The following CNTN5 variants were observed in gnomAD, a reference collection of about 807,000 sequenced individuals.
The protein encoded by CNTN5 is contactin 5.
Under a neutral mutation model 129.1 loss-of-function variants are expected in CNTN5, and 77 were observed. That is an observed-to-expected ratio of 0.60 (90% CI 0.50 to 0.72). The LOEUF is 0.72. Ranked by LOEUF, CNTN5 falls within the 30% of genes least tolerant of loss-of-function variation. The pLI, the probability that CNTN5 is intolerant of heterozygous loss-of-function variation, is 0.00. For missense variants in CNTN5, 1,478 were observed against 1,328.8 expected (o/e 1.11, Z -1.75); for synonymous variants, 509 against 465.6 (o/e 1.09, Z -1.20).
intron 4 of CNTN5, among the ~76,000 whole-genome samples, chr11:99,834,877 T>C (rs2135634096): frequency 6.6e-6 from 1 of 152,344 alleles, no homozygotes; most frequent in Admixed American, 6.5e-5. Context: ...CTACTCTAGA[T>C]GACTGCCTCC....
chr11:99,816,312 A>G (rs4497376), intron 3 of CNTN5, among the ~76,000 whole-genome samples: 5,378 of 152,198 alleles, frequency 0.035, 140 homozygotes, highest in South Asian at 0.1. Flanking sequence ...AAGCTTGTCT[A>G]TTCTCAGTTT....
intron 8 of CNTN5, among the ~76,000 whole-genome samples, chr11:99,957,606 A>G (rs1002043631): frequency 2.0e-5 from 3 of 152,218 alleles, no homozygotes; most frequent in African/African-American, 7.2e-5. Context: ...TAAGCATTGC[A>G]TTAAAGAATT....
intron 9 of CNTN5, 69 bp from the exon 10 acceptor site, chr11:100,061,143 A>C: frequency 7.8e-7 from 1 of 1,284,778 alleles, no homozygotes; most frequent in Non-Finnish European, 1.1e-6. Flanking sequence ...TGCTTAAATT[A>C]CCAGATAACA....
intron 23 of CNTN5, among the ~76,000 whole-genome samples, chr11:100,348,689 C>T (rs558450412): frequency 1.1e-4 from 16 of 151,934 alleles, no homozygotes; most frequent in Non-Finnish European, 1.8e-4. Flanking sequence ...TAATTCATCA[C>T]GATGCTCCAG....
chr11:100,307,722 G>A (rs905694530), intron 20 of CNTN5, among the ~76,000 whole-genome samples: 1 of 151,404 alleles, frequency 6.6e-6, no homozygotes, highest in Non-Finnish European at 1.5e-5. Context: ...ACAACAAAAA[G>A]TATCTAATGA....
chr11:100,259,209 A>G (rs956448532), intron 17 of CNTN5, among the ~76,000 whole-genome samples: 1 of 152,234 alleles, frequency 6.6e-6, no homozygotes, highest in Non-Finnish European at 1.5e-5. Context: ...AGGGTATTAC[A>G]TAATGGTAAA....
chr11:99,529,978 T>C (rs1947633492), intron 2 of CNTN5, among the ~76,000 whole-genome samples: 1 of 152,190 alleles, frequency 6.6e-6, no homozygotes, highest in East Asian at 1.9e-4. Flanking sequence ...CTTAAAAATA[T>C]TTTAAAGTGA....
rs780348879 is a variant in CNTN5 at position 99,821,325 on chromosome 11, A to T, written c.277+1560A>T. Among the ~76,000 whole-genome samples, 12 of 152,196 alleles carry T rather than the reference A, an allele frequency of 7.9e-5. 1 individual carries two copies. The highest frequency in any genetic ancestry group is 2.1e-4 in the South Asian group (1 of 4,826). On this transcript the variant is annotated intron_variant, in intron 4 of 24. Coordinates refer to ENST00000524871, the MANE Select transcript of CNTN5 (RefSeq NM_014361.4). ...AGAACAATAAATATTGGGACATAAG[A>T]TGGAGCCAGCTGTGACAACAATTCA...
chr11:99,589,467 C>A (rs1268249921), intron 3 of CNTN5, among the ~76,000 whole-genome samples: 1 of 152,038 alleles, frequency 6.6e-6, no homozygotes, highest in African/African-American at 2.4e-5. Context: ...TGAAGTAAAG[C>A]ACATGTATAT....
intron 1 of CNTN5, among the ~76,000 whole-genome samples, chr11:99,132,064 T>C (rs749214814): frequency 6.6e-6 from 1 of 152,178 alleles, no homozygotes; most frequent in Non-Finnish European, 1.5e-5. Context: ...ATCAAGTCAG[T>C]GTCATCCCCA....
At chr11:99,807,438 AAC>A (rs1318685225) in intron 3 of CNTN5, among the ~76,000 whole-genome samples, 2 of 152,192 alleles carry the variant, frequency 1.3e-5, no homozygotes, top group Non-Finnish European at 2.9e-5. Flanking sequence ...GTTTTAACAA[AAC>A]ACATAATTGA....
chr11:99,605,994 T>C lies in CNTN5; in HGVS notation c.55+49725T>C, dbSNP rs1174896853. On this transcript the variant is annotated intron_variant, in intron 3 of 24. Coordinates refer to ENST00000524871, the MANE Select transcript of CNTN5 (RefSeq NM_014361.4). ...GACAAACCCACAGCCAATATCATAC[T>C]GAATGGGCAAAAACTGGAAGCATTC... Among the ~76,000 whole-genome samples the C allele has an allele frequency of 4.8e-4, 23 of 47,814 alleles. 1 individual carries two copies. Among genetic ancestry groups the C allele is most frequent in the Admixed American group, 2.7e-4 (1 of 3,736 alleles). The allele number at this position is 47,814 out of a possible 152,430, so 31.4% of individuals were successfully genotyped here.
intron 3 of CNTN5, among the ~76,000 whole-genome samples, chr11:99,767,576 GA>G (rs1460386026): frequency 4.7e-5 from 7 of 150,124 alleles, no homozygotes; most frequent in Non-Finnish European, 7.4e-5. Context: ...GATTTTTTTG[GA>G]AAAGCTTCTT....
At chr11:99,348,125 G>T (rs1345826574) in intron 2 of CNTN5, among the ~76,000 whole-genome samples, 2 of 152,080 alleles carry the variant, frequency 1.3e-5, no homozygotes, top group Non-Finnish European at 2.9e-5. Context: ...GGATCACGAG[G>T]TCAGGAGATC....
At chr11:100,106,625 T>C (rs1170595151) in intron 13 of CNTN5, among the ~76,000 whole-genome samples, 1 of 152,028 alleles carries the variant, frequency 6.6e-6, no homozygotes, top group African/African-American at 2.4e-5. Context: ...AAAACCATTA[T>C]ATAAATGAAA....
At chr11:99,031,225 T>C (rs11218124) in intron 1 of CNTN5, among the ~76,000 whole-genome samples, 470 of 152,288 alleles carry the variant, frequency 3.1e-3, no homozygotes, top group Non-Finnish European at 4.7e-3. Flanking sequence ...AAAAATGACA[T>C]CTAGATATAT....
intron 3 of CNTN5, among the ~76,000 whole-genome samples, chr11:99,801,736 C>T (rs1441670215): frequency 6.6e-6 from 1 of 152,072 alleles, no homozygotes; most frequent in Non-Finnish European, 1.5e-5. Flanking sequence ...TATTTCAATT[C>T]TATTTTGAAA....
chr11:100,276,217 GAA>G (rs1173299852), intron 18 of CNTN5, among the ~76,000 whole-genome samples: 5 of 151,950 alleles, frequency 3.3e-5, no homozygotes, highest in Non-Finnish European at 7.4e-5. Flanking sequence ...CAATTTTTCT[GAA>G]GAGTATATTT....
intron 2 of CNTN5, among the ~76,000 whole-genome samples, chr11:99,548,797 T>C (rs1948383369): frequency 6.6e-6 from 1 of 152,168 alleles, no homozygotes; most frequent in Non-Finnish European, 1.5e-5. Context: ...GGTTTTAGTA[T>C]TTTCCATTTT....
Sources: allele counts gnomAD v4.1 joint callset (sites outside exome capture counted in the v4.1 genomes callset), GRCh38; gene constraint gnomAD v4.1.1; transcripts MANE v1.5; gene names NCBI Gene and HGNC (gene_info 2026-07-23, HGNC 2026-07-21).